The following TENM3 variants were observed in gnomAD, a reference collection of about 807,000 sequenced individuals.
TENM3 encodes teneurin-3.
A neutral mutation model predicts 255.1 loss-of-function variants in TENM3; 63 were observed. The ratio of observed to expected loss-of-function variants is 0.25; its 90% CI spans 0.20 to 0.30. The LOEUF is 0.30. Ranked by LOEUF, TENM3 falls within the 10% of genes least tolerant of loss-of-function variation. The probability of loss-of-function intolerance (pLI) is 1.00; values close to 1 mark genes in which losing one functional copy is unlikely to be tolerated. For synonymous variants in TENM3, 1,306 were observed against 1,322.3 expected, an observed-to-expected ratio of 0.99 and a Z score of 0.27; for missense variants, 2,929 against 3,461.1, an observed-to-expected ratio of 0.85 and a Z score of 3.86.
the TENM3 span, among the ~76,000 whole-genome samples, chr4:181,570,914 G>A: frequency 8.5e-5 from 13 of 152,240 alleles, 1 homozygote; most frequent in African/African-American, 3.1e-4. Context: ...GGGGAAGGCA[G>A]GAGCACTGGC....
chr4:181,988,085 G>A, the TENM3 span, among the ~76,000 whole-genome samples: 1 of 152,168 alleles, frequency 6.6e-6, no homozygotes, highest in Non-Finnish European at 1.5e-5. Context: ...AAAAGAAATA[G>A]GATCTGTCCC....
intron 3 of TENM3, among the ~76,000 whole-genome samples, chr4:182,591,298 C>A (rs553368201): frequency 2.0e-5 from 3 of 152,242 alleles, no homozygotes; most frequent in South Asian, 4.1e-4. Context: ...TTGATTATTT[C>A]TTCTAATCCT....
chr4:182,544,323 A>ATT (rs35639483), intron 3 of TENM3, among the ~76,000 whole-genome samples: 1,064 of 69,324 alleles, frequency 0.015, 151 homozygotes, highest in East Asian at 0.037. Context: ...AGCATTGTGG[A>ATT]TTTTTTTTTT....
At chr4:181,604,039 T>C in the TENM3 span, among the ~76,000 whole-genome samples, 3 of 151,510 alleles carry the variant, frequency 2.0e-5, no homozygotes, top group East Asian at 2.0e-4. Context: ...CCGAGGAGGG[T>C]GGATCACGAC....
the TENM3 span, among the ~76,000 whole-genome samples, chr4:182,093,083 A>C: frequency 2.0e-5 from 3 of 152,130 alleles, no homozygotes; most frequent in African/African-American, 7.2e-5. Context: ...AATCTCCCTG[A>C]AAATAATTCC....
At chr4:182,087,324 T>C in the TENM3 span, among the ~76,000 whole-genome samples, 2 of 152,130 alleles carry the variant, frequency 1.3e-5, no homozygotes, top group African/African-American at 4.8e-5. Context: ...GGCCAATAGA[T>C]GGAAAATTGT....
chr4:182,133,379 A>AT, the TENM3 span, among the ~76,000 whole-genome samples: 3 of 152,136 alleles, frequency 2.0e-5, no homozygotes, highest in African/African-American at 4.8e-5. Context: ...AAAGCTCTTC[A>AT]TTTTTTTTGA....
the TENM3 span, among the ~76,000 whole-genome samples, chr4:181,684,833 C>A: frequency 2.0e-5 from 3 of 151,360 alleles, no homozygotes; most frequent in African/African-American, 7.3e-5. Flanking sequence ...TAGCTCACTG[C>A]AGCCTCGAAC....
the TENM3 span, among the ~76,000 whole-genome samples, chr4:181,974,137 G>A: frequency 5.9e-5 from 9 of 152,192 alleles, no homozygotes; most frequent in Non-Finnish European, 1.0e-4. Flanking sequence ...TCCTGCATGC[G>A]GAAGAAATGG....
chr4:182,032,725 G>A, the TENM3 span, among the ~76,000 whole-genome samples: 3 of 152,162 alleles, frequency 2.0e-5, no homozygotes, highest in Middle Eastern at 3.4e-3. Flanking sequence ...GCCTCAATTT[G>A]ATAACTTGTT....
the TENM3 span, among the ~76,000 whole-genome samples, chr4:181,824,781 G>T: frequency 6.6e-6 from 1 of 152,130 alleles, no homozygotes; most frequent in African/African-American, 2.4e-5. Flanking sequence ...AAGGAAAAAT[G>T]ATCTTCTAAT....
At chr4:182,246,972 G>A (rs1233631265) in intron 1 of TENM3, among the ~76,000 whole-genome samples, 1 of 152,240 alleles carries the variant, frequency 6.6e-6, no homozygotes, top group African/African-American at 2.4e-5. Flanking sequence ...TCTCTGCGGA[G>A]GCGATGCCCA....
chr4:182,562,313 A>T (rs965538904), intron 3 of TENM3, among the ~76,000 whole-genome samples: 2 of 152,192 alleles, frequency 1.3e-5, no homozygotes, highest in Non-Finnish European at 2.9e-5. Flanking sequence ...GAATGAGATT[A>T]TGAAAGTGTC....
the TENM3 span, among the ~76,000 whole-genome samples, chr4:181,611,254 A>C: frequency 6.6e-6 from 1 of 152,218 alleles, no homozygotes; most frequent in Non-Finnish European, 1.5e-5. Flanking sequence ...ATTATTTCCA[A>C]GCTTTATTGC....
the TENM3 span, among the ~76,000 whole-genome samples, chr4:181,762,400 C>T: frequency 5.3e-5 from 8 of 152,176 alleles, no homozygotes; most frequent in South Asian, 2.1e-4. Flanking sequence ...CCCCTGCCCA[C>T]GTCCATGCTC....
At chr4:181,809,665 G>A in the TENM3 span, among the ~76,000 whole-genome samples, 2 of 152,184 alleles carry the variant, frequency 1.3e-5, no homozygotes, top group Non-Finnish European at 2.9e-5. Flanking sequence ...CTAATCCCCA[G>A]AATCTACAAA....
the TENM3 span, among the ~76,000 whole-genome samples, chr4:182,091,931 T>G: frequency 1.5e-3 from 230 of 152,260 alleles, 2 homozygotes; most frequent in African/African-American, 5.1e-3. Context: ...CAGACTCGAT[T>G]TTGTTCTTTA....
chr4:182,082,409 A>G, the TENM3 span, among the ~76,000 whole-genome samples: 1 of 152,352 alleles, frequency 6.6e-6, no homozygotes, highest in East Asian at 1.9e-4. Flanking sequence ...ATGAATTTTC[A>G]GGGACACAAA....
chr4:181,939,563 G>C, the TENM3 span, among the ~76,000 whole-genome samples: 1 of 152,194 alleles, frequency 6.6e-6, no homozygotes, highest in Non-Finnish European at 1.5e-5. Flanking sequence ...TGCCCTAAAA[G>C]CAAAACAAAA....
Sources: gnomAD v4.1 joint callset for allele counts (sites outside exome capture counted in the v4.1 genomes callset) on GRCh38, gnomAD v4.1.1 for gene constraint, MANE v1.5 for transcripts, NCBI Gene and HGNC (gene_info 2026-07-23, HGNC 2026-07-21) for gene names.